SMYD2: variants seen among roughly 807,000 people sequenced by gnomAD.
The protein encoded by SMYD2 is SET and MYND domain containing 2, also known as N-lysine methyltransferase SMYD2.
In SMYD2, 53 loss-of-function variants were observed where a neutral mutation model predicts 59.1. The observed-to-expected ratio is 0.90, with a 90% CI of 0.72 to 1.13. SMYD2 has a LOEUF of 1.13. Among genes scored for constraint, SMYD2 ranks in the 50% most tolerant of loss-of-function variants. The pLI is 0.00. For missense variants in SMYD2, 494 were observed against 544.7 expected, an observed-to-expected ratio of 0.91 and a Z score of 0.93; for synonymous variants, 208 against 198.8, an observed-to-expected ratio of 1.05 and a Z score of -0.39.
chr1:214,303,888 G>C (rs1417818246), intron 1 of SMYD2, among the ~76,000 whole-genome samples: 2 of 152,254 alleles, frequency 1.3e-5, no homozygotes, highest in Admixed American at 6.5e-5. Context: ...TCGTGCTGTC[G>C]GTATCTCCAC....
In SMYD2 at chr1:214,327,447, A is replaced by G. The variant is rs1657280986; in HGVS notation, c.603-175A>G. 9.0e-5 allele frequency: 50 copies of G among 553,858 alleles called. No homozygotes were observed. In the South Asian group the frequency reaches 1.1e-3, roughly 12 times the overall value. 34.3% of individuals were successfully genotyped at this position (553,858 alleles called of 1,614,324 possible). Reference sequence around the variant, plus strand: ...ATATGGTGAAAGTGTGAGATGGTAGATAGGATTATCAGTGCATGCAGAACA... The same window carrying G: ...ATATGGTGAAAGTGTGAGATGGTAGGTAGGATTATCAGTGCATGCAGAACA... On this transcript the variant is annotated intron_variant, in intron 6 of 11. Transcript: ENST00000366957.
intron 1 of SMYD2, among the ~76,000 whole-genome samples, chr1:214,285,327 C>T (rs1445887344): frequency 1.3e-5 from 2 of 152,130 alleles, no homozygotes; most frequent in Non-Finnish European, 2.9e-5. Flanking sequence ...TGCTGTTTTC[C>T]TGAAGTTCTC....
intron 1 of SMYD2, among the ~76,000 whole-genome samples, chr1:214,295,384 A>G (rs1161087295): frequency 7.3e-6 from 1 of 136,864 alleles, no homozygotes; most frequent in Non-Finnish European, 1.6e-5. Context: ...TCCTATATTC[A>G]TAAGCTTCAT....
intron 6 of SMYD2, among the ~76,000 whole-genome samples, chr1:214,325,773 C>CTTTTTT (rs59821609): frequency 1.7e-5 from 2 of 118,786 alleles, no homozygotes; most frequent in East Asian, 2.9e-4. Context: ...AGGAAAGAAG[C>CTTTTTT]TTTTTTTTTT....
At chr1:214,322,311 CT>C (rs1657185056) in intron 5 of SMYD2, among the ~76,000 whole-genome samples, 1 of 152,150 alleles carries the variant, frequency 6.6e-6, no homozygotes, top group Non-Finnish European at 1.5e-5. Context: ...TGAATGAAAA[CT>C]TTAATTTACT....
At chr1:214,302,184 C>G (rs1199510184) in intron 1 of SMYD2, among the ~76,000 whole-genome samples, 1 of 151,948 alleles carries the variant, frequency 6.6e-6, no homozygotes, top group Non-Finnish European at 1.5e-5. Context: ...TCTACTAATA[C>G]AAAAATTAGC....
chr1:214,290,128 C>T (rs1340557242), intron 1 of SMYD2, among the ~76,000 whole-genome samples: 2 of 152,190 alleles, frequency 1.3e-5, no homozygotes, highest in Non-Finnish European at 2.9e-5. Flanking sequence ...AAGGCGTTCA[C>T]ACCAACACAA....
At chr1:214,308,306 G>A (rs1656946191) in intron 2 of SMYD2, among the ~76,000 whole-genome samples, 1 of 152,176 alleles carries the variant, frequency 6.6e-6, no homozygotes, top group African/African-American at 2.4e-5. Context: ...GACCATTAAG[G>A]TTTTTCATCC....
intron 5 of SMYD2, among the ~76,000 whole-genome samples, chr1:214,321,380 T>G (rs573467466): frequency 6.6e-6 from 1 of 151,658 alleles, no homozygotes; most frequent in African/African-American, 2.4e-5. Context: ...ATTTTGAGAT[T>G]ATTTGTGTTC....
chr1:214,287,934 T>G (rs755319567), intron 1 of SMYD2, among the ~76,000 whole-genome samples: 8 of 152,234 alleles, frequency 5.3e-5, no homozygotes, highest in Non-Finnish European at 1.2e-4. Flanking sequence ...GAGCCATCCT[T>G]TAAGACTTCA....
intron 1 of SMYD2, among the ~76,000 whole-genome samples, chr1:214,301,178 T>C (rs1344218906): frequency 1.3e-5 from 2 of 152,184 alleles, no homozygotes; most frequent in Non-Finnish European, 2.9e-5. Context: ...CAGTGTGTCA[T>C]GTTATGTTTT....
At chr1:214,308,551 T>C (rs11587736) in intron 2 of SMYD2, among the ~76,000 whole-genome samples, 182 of 152,206 alleles carry the variant, frequency 1.2e-3, no homozygotes, top group Non-Finnish European at 2.1e-3. Flanking sequence ...GGATAAAACG[T>C]GGCACAAAAC....
At chr1:214,296,984 C>T (rs926814492) in intron 1 of SMYD2, among the ~76,000 whole-genome samples, 3 of 152,240 alleles carry the variant, frequency 2.0e-5, no homozygotes, top group African/African-American at 7.2e-5. Flanking sequence ...GTTAAACAAC[C>T]TGATCCATCC....
chr1:214,281,602 A>C (rs971575910), intron 1 of SMYD2, among the ~76,000 whole-genome samples, 175 bp downstream of exon 1: 1 of 151,994 alleles, frequency 6.6e-6, no homozygotes, highest in Non-Finnish European at 1.5e-5. Flanking sequence ...CTGCAGCCCC[A>C]CGCCAGGCGC....
rs1656440558 is a variant in SMYD2 at position 214,281,410 on chromosome 1, C to T, written c.156C>T (p.Cys52=). Residue 52 remains cysteine (C), a synonymous_variant, in exon 1 of 12, where the codon TGC becomes TGT. Coordinates refer to ENST00000366957, the MANE Select transcript of SMYD2 (RefSeq NM_020197.3). ...VLTVNERGNH[C]EYCFTRKEGL... ...CGGTCAACGAGCGGGGCAACCACTG[C>T]GAGTACTGCTTCACCAGGTAGGGCG... is the stretch of plus-strand genomic sequence containing the variant. The T allele has an allele frequency of 2.8e-6, 4 of 1,448,948 alleles. No homozygotes were observed. The highest frequency in any genetic ancestry group is 3.6e-6 in the Non-Finnish European group (4 of 1,096,258). The allele number at this position is 1,448,948 out of a possible 1,614,324, so 89.8% of individuals were successfully genotyped here. A position where few individuals can be genotyped will look rare whatever the true frequency, so the allele number is the denominator to read the frequency against.
chr1:214,331,189 G>A, intron 9 of SMYD2, 119 bp downstream of exon 9: 1 of 1,433,850 alleles, frequency 7.0e-7, no homozygotes, highest in South Asian at 1.3e-5. Context: ...AAGGAGGAAT[G>A]TCTCCTAGTA....
intron 1 of SMYD2, among the ~76,000 whole-genome samples, chr1:214,284,189 T>A (rs1471858070): frequency 6.6e-6 from 1 of 151,270 alleles, no homozygotes; most frequent in Non-Finnish European, 1.5e-5. Context: ...ATACACTTTA[T>A]ACACACATAC....
At chr1:214,287,724 T>C (rs1437807207) in intron 1 of SMYD2, among the ~76,000 whole-genome samples, 1 of 151,786 alleles carries the variant, frequency 6.6e-6, no homozygotes, top group African/African-American at 2.4e-5. Context: ...GGAAATAATA[T>C]AATATACCTA....
intron 1 of SMYD2, among the ~76,000 whole-genome samples, chr1:214,290,622 G>A (rs1656621256): frequency 6.6e-6 from 1 of 152,138 alleles, no homozygotes; most frequent in African/African-American, 2.4e-5. Context: ...CCATGGAGGA[G>A]AGGAGAAACA....
Sources: allele counts gnomAD v4.1 joint callset (sites outside exome capture counted in the v4.1 genomes callset), GRCh38; gene constraint gnomAD v4.1.1; transcripts MANE v1.5; gene names NCBI Gene and HGNC (gene_info 2026-07-23, HGNC 2026-07-21).